The following FGGY variants were observed in gnomAD, a reference collection of about 807,000 sequenced individuals.
The protein encoded by FGGY is FGGY carbohydrate kinase domain containing.
FGGY carries 72 observed loss-of-function variants against 71.3 expected under a neutral mutation model. The ratio of observed to expected loss-of-function variants is 1.01; its 90% CI spans 0.84 to 1.23. FGGY has a LOEUF of 1.23. FGGY is among the 50% of genes most tolerant of loss of function. The pLI is 0.00. For synonymous variants in FGGY, 251 were observed against 250.3 expected (o/e 1.00, Z -0.02); for missense variants, 668 against 682.3 (o/e 0.98, Z 0.23).
At chr1:59,636,619 C>T (rs1270580975) in intron 10 of FGGY, among the ~76,000 whole-genome samples, 2 of 151,956 alleles carry the variant, frequency 1.3e-5, no homozygotes, top group East Asian at 1.9e-4. Context: ...AAGATTCCAT[C>T]TCAAAGAAAA....
At position 59,610,699 on chromosome 1, in the gene FGGY, C is replaced by T. The variant is rs190097916; in HGVS notation, c.1011+2789C>T. Among the ~76,000 whole-genome samples, 142 of 152,292 alleles carry T rather than the reference C, an allele frequency of 9.3e-4. 1 individual carries two copies. The highest frequency in any genetic ancestry group is 1.5e-3 in the African/African-American group (64 of 41,562). Reference sequence around the variant, plus strand: ...TGGGTGCAGCCCACAGACCGTGAGCCGAAGCAGGGCGAGGCATCGCCTCAC... The same window carrying T: ...TGGGTGCAGCCCACAGACCGTGAGCTGAAGCAGGGCGAGGCATCGCCTCAC... On this transcript the variant is annotated intron_variant, in intron 9 of 15. Transcript: ENST00000303721.
At chr1:59,528,017 G>A (rs1479908309) in intron 7 of FGGY, among the ~76,000 whole-genome samples, 1 of 152,090 alleles carries the variant, frequency 6.6e-6, no homozygotes, top group African/African-American at 2.4e-5. Flanking sequence ...ATTCTGATCA[G>A]TGGCTTTAAC....
At chr1:59,648,703 T>C (rs1363293750) in intron 11 of FGGY, among the ~76,000 whole-genome samples, 1 of 150,658 alleles carries the variant, frequency 6.6e-6, no homozygotes, top group Admixed American at 6.6e-5. Flanking sequence ...GTAGGTTGCC[T>C]GTTCAGTCTG....
chr1:59,542,517 TG>T (rs1176467806), intron 7 of FGGY, among the ~76,000 whole-genome samples: 1 of 134,428 alleles, frequency 7.4e-6, no homozygotes, highest in African/African-American at 2.8e-5. Flanking sequence ...TGGAGTGCGA[TG>T]GCACGATCTT....
chr1:59,533,054 G>T (rs182856166), intron 7 of FGGY, among the ~76,000 whole-genome samples: 183 of 152,322 alleles, frequency 1.2e-3, no homozygotes, highest in East Asian at 1.9e-4. Context: ...CAGCTTGAGC[G>T]ACACAGCAGA....
intron 1 of FGGY, among the ~76,000 whole-genome samples, chr1:59,300,407 T>G (rs556181302): frequency 1.3e-5 from 2 of 152,322 alleles, no homozygotes; most frequent in South Asian, 4.1e-4. Flanking sequence ...ACGTGTAACT[T>G]GCAGATATTT....
At chr1:59,739,118 A>G (rs149636041) in intron 14 of FGGY, among the ~76,000 whole-genome samples, 67 of 152,352 alleles carry the variant, frequency 4.4e-4, no homozygotes, top group Non-Finnish European at 8.2e-4. Context: ...CACATGCCTC[A>G]TCCACCTCTT....
intron 6 of FGGY, among the ~76,000 whole-genome samples, chr1:59,464,633 TAAAG>T (rs922874016): frequency 5.3e-5 from 8 of 151,896 alleles, no homozygotes; most frequent in Non-Finnish European, 1.2e-4. Flanking sequence ...GCAAGACTAA[TAAAG>T]AAGAAGACAG....
In FGGY at chr1:59,667,738, G is replaced by A. The variant is rs532652871; in HGVS notation, c.1417+335G>A. Among the ~76,000 whole-genome samples the A allele has an allele frequency of 1.1e-3, 170 of 152,274 alleles. 2 individuals are homozygous for A. Among genetic ancestry groups the A allele is most frequent in the Middle Eastern group, 6.8e-3 (2 of 294 alleles). ...ACATTGTGGAGAATATTGAAGATACGAAGATGAATAGGACATGATCCTTGC... is the reference window on the plus strand; with the variant it reads ...ACATTGTGGAGAATATTGAAGATACAAAGATGAATAGGACATGATCCTTGC... On this transcript the variant is annotated intron_variant, in intron 13 of 15. Transcript: ENST00000303721.
chr1:59,553,513 G>A (rs2095640827), intron 7 of FGGY, among the ~76,000 whole-genome samples: 1 of 152,144 alleles, frequency 6.6e-6, no homozygotes, highest in African/African-American at 2.4e-5. Context: ...TCTGTTACTA[G>A]GAACTCGCTC....
At chr1:59,683,684 G>A (rs1032339020) in intron 14 of FGGY, among the ~76,000 whole-genome samples, 1 of 152,184 alleles carries the variant, frequency 6.6e-6, no homozygotes, top group Admixed American at 6.5e-5. Flanking sequence ...CCTTAGAAAT[G>A]TTATTAATTG....
intron 1 of FGGY, among the ~76,000 whole-genome samples, chr1:59,308,561 C>T (rs1219252443): frequency 6.6e-6 from 1 of 152,110 alleles, no homozygotes; most frequent in Non-Finnish European, 1.5e-5. Flanking sequence ...CAGTGGTTCT[C>T]AAACTCTAGC....
chr1:59,595,512 A>T (rs2096511382), intron 8 of FGGY, among the ~76,000 whole-genome samples: 1 of 152,122 alleles, frequency 6.6e-6, no homozygotes, highest in Non-Finnish European at 1.5e-5. Context: ...AATATGGCGA[A>T]ACCCCATCTC....
intron 4 of FGGY, among the ~76,000 whole-genome samples, chr1:59,355,101 G>A (rs1015931946): frequency 6.6e-6 from 1 of 152,230 alleles, no homozygotes; most frequent in Admixed American, 6.5e-5. Flanking sequence ...GTGGGAAATG[G>A]TTGATGGGCT....
chr1:59,401,916 T>C (rs1261724084), intron 5 of FGGY, among the ~76,000 whole-genome samples: 1 of 152,074 alleles, frequency 6.6e-6, no homozygotes, highest in East Asian at 1.9e-4. Flanking sequence ...CTCAGAGAGG[T>C]GCACCAAGAC....
intron 4 of FGGY, among the ~76,000 whole-genome samples, chr1:59,348,421 G>C (rs79546681): frequency 0.053 from 8,104 of 152,236 alleles, 266 homozygotes; most frequent in Admixed American, 0.085. Flanking sequence ...CCCATTTCCA[G>C]ATGTTAGGAC....
At chr1:59,632,433 C>G (rs2096916697) in intron 10 of FGGY, among the ~76,000 whole-genome samples, 1 of 152,084 alleles carries the variant, frequency 6.6e-6, no homozygotes. Flanking sequence ...TTTTCTTGAT[C>G]TGATTTATTC....
At chr1:59,609,957 A>G (rs998552351) in intron 9 of FGGY, among the ~76,000 whole-genome samples, 27 of 152,244 alleles carry the variant, frequency 1.8e-4, no homozygotes, top group African/African-American at 6.5e-4. Flanking sequence ...GATTGGTCTC[A>G]GTAACCAGTG....
At chr1:59,565,415 G>T (rs2095859020) in intron 8 of FGGY, among the ~76,000 whole-genome samples, 2 of 152,122 alleles carry the variant, frequency 1.3e-5, no homozygotes, top group African/African-American at 4.8e-5. Flanking sequence ...CTCCTGAGTA[G>T]CTGGGACTAT....
Sources: allele counts gnomAD v4.1 joint callset (sites outside exome capture counted in the v4.1 genomes callset), GRCh38; gene constraint gnomAD v4.1.1; transcripts MANE v1.5; gene names NCBI Gene and HGNC (gene_info 2026-07-23, HGNC 2026-07-21).